Variants in DPP10 observed in about 807,000 individuals in gnomAD.
DPP10 encodes the protein dipeptidyl peptidase like 10.
A neutral mutation model predicts 120.9 loss-of-function variants in DPP10; 33 were observed. That is an observed-to-expected ratio of 0.27 (90% CI 0.21 to 0.37). DPP10 has a LOEUF of 0.37. Ranked by LOEUF, DPP10 falls within the 10% of genes least tolerant of loss-of-function variation. DPP10 has a pLI of 1.00. For missense variants in DPP10, 816 were observed against 942.8 expected (o/e 0.87, Z 1.76); for synonymous variants, 337 against 326.1 (o/e 1.03, Z -0.36).
intron 5 of DPP10, among the ~76,000 whole-genome samples, chr2:115,612,011 T>C (rs2084138653): frequency 6.6e-6 from 1 of 152,180 alleles, no homozygotes; most frequent in South Asian, 2.1e-4. Flanking sequence ...TGAGAAAATA[T>C]AACTATTCCA....
intron 1 of DPP10, among the ~76,000 whole-genome samples, chr2:115,232,853 T>C (rs1030179575): frequency 2.0e-5 from 3 of 152,226 alleles, no homozygotes; most frequent in African/African-American, 7.2e-5. Context: ...CTAAGTGTTC[T>C]GTGTATGTTA....
chr2:115,619,713 C>G (rs2084804206), intron 5 of DPP10, among the ~76,000 whole-genome samples: 2 of 152,150 alleles, frequency 1.3e-5, no homozygotes, highest in Admixed American at 6.5e-5. Flanking sequence ...AGTGTCTCTG[C>G]TTTTCTCTGT....
At chr2:114,687,090 T>A (rs1375828585) in intron 1 of DPP10, among the ~76,000 whole-genome samples, 2 of 151,936 alleles carry the variant, frequency 1.3e-5, no homozygotes, top group African/African-American at 4.8e-5. Context: ...TAGGATAGGG[T>A]TACAGTGGAA....
At chr2:115,485,965 C>T (rs1259027034) in intron 3 of DPP10, among the ~76,000 whole-genome samples, 9 of 151,892 alleles carry the variant, frequency 5.9e-5, no homozygotes, top group African/African-American at 2.2e-4. Context: ...TAGTATAATG[C>T]CTAATCTATA....
At chr2:115,143,150 G>A (rs1464757536) in intron 1 of DPP10, among the ~76,000 whole-genome samples, 2 of 152,170 alleles carry the variant, frequency 1.3e-5, no homozygotes, top group African/African-American at 4.8e-5. Context: ...GGTTCTAGGA[G>A]GGACAGTAGG....
rs147346873 is a variant in DPP10, at chr2:115,486,960, T to C, written c.272-12550T>C. 2.3e-3 allele frequency among the ~76,000 whole-genome samples: 349 copies of C among 152,272 alleles called. 1 individual carries two copies. Among genetic ancestry groups the C allele is most frequent in the African/African-American group, 7.9e-3 (329 of 41,564 alleles). On this transcript the variant is annotated intron_variant, in intron 3 of 25. Coordinates refer to ENST00000410059, the MANE Select transcript of DPP10 (RefSeq NM_020868.6). ...TTCCACAAGAATTAATAATGATTAC[T>C]TACAATTATGATGACTTTTAAATAA...
chr2:114,543,511 C>T (rs1198707202), intron 1 of DPP10, among the ~76,000 whole-genome samples: 1 of 152,226 alleles, frequency 6.6e-6, no homozygotes, highest in African/African-American at 2.4e-5. Flanking sequence ...GAATGCTTCA[C>T]GCCGCCTCCT....
chr2:115,530,907 T>C (rs1165408883), intron 5 of DPP10, among the ~76,000 whole-genome samples: 1 of 152,076 alleles, frequency 6.6e-6, no homozygotes, highest in Non-Finnish European at 1.5e-5. Context: ...GACCATTGAA[T>C]TTAAGTGAAC....
At position 114,641,598 on chromosome 2, in the gene DPP10, G is replaced by T. The variant is rs72953578; in HGVS notation, c.60+198760G>T. Among the ~76,000 whole-genome samples the T allele has an allele frequency of 4.7e-3, 718 of 151,996 alleles. 21 individuals carry two copies. The highest frequency in any genetic ancestry group is 0.017 in the African/African-American group (692 of 41,284). On this transcript the variant is annotated intron_variant, in intron 1 of 25. Transcript: ENST00000410059. ...AACTTGAATTCACTGTCATTTAACT[G>T]ATTTATAAGGATTCTTGGCCACAAC...
At chr2:114,904,497 T>C (rs186983733) in intron 1 of DPP10, among the ~76,000 whole-genome samples, 109 of 152,150 alleles carry the variant, frequency 7.2e-4, no homozygotes, top group Non-Finnish European at 1.4e-3. Context: ...AAGAGAGAGA[T>C]GAATTGAGGA....
chr2:115,538,023 CAG>C (rs1415301944), intron 5 of DPP10, among the ~76,000 whole-genome samples: 1 of 152,000 alleles, frequency 6.6e-6, no homozygotes, highest in Non-Finnish European at 1.5e-5. Context: ...GGGAGCCAGG[CAG>C]AGTCTGCAAC....
intron 1 of DPP10, among the ~76,000 whole-genome samples, chr2:114,899,891 T>C (rs890603627): frequency 2.0e-5 from 3 of 151,844 alleles, no homozygotes; most frequent in Non-Finnish European, 2.9e-5. Flanking sequence ...ACCCGGGAGG[T>C]GGAGCTGGCA....
chr2:115,785,460 G>C (rs1461588026), intron 17 of DPP10, among the ~76,000 whole-genome samples: 1 of 152,052 alleles, frequency 6.6e-6, no homozygotes, highest in African/African-American at 2.4e-5. Flanking sequence ...GGATCCATCT[G>C]GTTCCAGCCT....
chr2:115,323,161 T>G (rs190994969), intron 2 of DPP10, among the ~76,000 whole-genome samples: 1 of 152,148 alleles, frequency 6.6e-6, no homozygotes, highest in East Asian at 2.0e-4. Flanking sequence ...CAAATCCTAC[T>G]TCTTTATCAA....
intron 1 of DPP10, among the ~76,000 whole-genome samples, chr2:114,930,182 C>T (rs2104493430): frequency 6.6e-6 from 1 of 152,306 alleles, no homozygotes; most frequent in African/African-American, 2.4e-5. Flanking sequence ...TCCCTTTAGT[C>T]ACGTTCATCT....
chr2:115,353,735 A>G (rs1217646792), intron 3 of DPP10, among the ~76,000 whole-genome samples: 1 of 152,160 alleles, frequency 6.6e-6, no homozygotes, highest in Non-Finnish European at 1.5e-5. Context: ...TTTGTTTTAT[A>G]CATGAGTAAC....
intron 1 of DPP10, among the ~76,000 whole-genome samples, chr2:114,683,221 ATTCT>A (rs1228623688): frequency 6.6e-6 from 1 of 151,990 alleles, no homozygotes; most frequent in Non-Finnish European, 1.5e-5. Flanking sequence ...TGTATGGTAA[ATTCT>A]TTCTATCTTA....
At chr2:114,644,430 A>G (rs1276853568) in intron 1 of DPP10, among the ~76,000 whole-genome samples, 2 of 151,518 alleles carry the variant, frequency 1.3e-5, no homozygotes, top group Admixed American at 1.3e-4. Context: ...ATCTTTCTAG[A>G]TATCTTATCT....
At chr2:115,110,120 A>G (rs1404059765) in intron 1 of DPP10, among the ~76,000 whole-genome samples, 2 of 152,160 alleles carry the variant, frequency 1.3e-5, no homozygotes, top group African/African-American at 2.4e-5. Flanking sequence ...GGAAGAAAAT[A>G]ATAATTACCT....
Sources: allele counts gnomAD v4.1 joint callset (sites outside exome capture counted in the v4.1 genomes callset), GRCh38; gene constraint gnomAD v4.1.1; transcripts MANE v1.5; gene names NCBI Gene and HGNC (gene_info 2026-07-23, HGNC 2026-07-21).